The following ATG7 variants were observed in gnomAD, a reference collection of about 807,000 sequenced individuals.
The protein encoded by ATG7 is ubiquitin-like modifier-activating enzyme ATG7.
Under a neutral mutation model 82.4 loss-of-function variants are expected in ATG7, and 70 were observed. That is an observed-to-expected ratio of 0.85 (90% CI 0.70 to 1.04). The LOEUF is 1.04. Among genes scored for constraint, ATG7 ranks in the 50% least tolerant of loss-of-function variants. The pLI, the probability that ATG7 is intolerant of heterozygous loss-of-function variation, is 0.00. For synonymous variants in ATG7, 287 were observed against 313.0 expected (o/e 0.92, Z 0.88); for missense variants, 792 against 864.3 (o/e 0.92, Z 1.05).
chr3:11,542,698 C>A (rs2070932102), intron 20 of ATG7, among the ~76,000 whole-genome samples: 1 of 152,216 alleles, frequency 6.6e-6, no homozygotes, highest in Non-Finnish European at 1.5e-5. Context: ...CTTGCTCCTC[C>A]TTTAAGATGA....
At chr3:11,368,277 C>G (rs1315360492) in intron 18 of ATG7, among the ~76,000 whole-genome samples, 2 of 130,022 alleles carry the variant, frequency 1.5e-5, no homozygotes, top group Non-Finnish European at 3.3e-5. Flanking sequence ...AGGAAAGAAA[C>G]ACTGCTTTTT....
intron 20 of ATG7, among the ~76,000 whole-genome samples, chr3:11,489,299 T>G (rs970733393): frequency 2.0e-5 from 3 of 152,248 alleles, no homozygotes; most frequent in Non-Finnish European, 4.4e-5. Flanking sequence ...GATGGTATTT[T>G]GTATTTCTGT....
intron 20 of ATG7, among the ~76,000 whole-genome samples, chr3:11,436,608 G>C (rs2083392325): frequency 6.6e-6 from 1 of 152,180 alleles, no homozygotes; most frequent in African/African-American, 2.4e-5. Flanking sequence ...AATGTACACA[G>C]TGTTCCTAAC....
chr3:11,455,771 A>T (rs2085647644), intron 20 of ATG7, among the ~76,000 whole-genome samples: 1 of 152,052 alleles, frequency 6.6e-6, no homozygotes, highest in African/African-American at 2.4e-5. Flanking sequence ...AATCAAGCTG[A>T]TTTACTCACT....
At chr3:11,358,671 A>C in intron 15 of ATG7, 59 bp downstream of exon 15, 4 of 1,544,374 alleles carry the variant, frequency 2.6e-6, no homozygotes, top group Non-Finnish European at 3.5e-6. Flanking sequence ...CAGAGGGAGG[A>C]GTGTCCCTAA....
chr3:11,531,951 C>G (rs1178658631), intron 20 of ATG7, among the ~76,000 whole-genome samples: 1 of 150,700 alleles, frequency 6.6e-6, no homozygotes, highest in African/African-American at 2.4e-5. Context: ...CTGCGCTAAA[C>G]ACTTTGTTGG....
chr3:11,489,383 AG>A (rs1486511475), intron 20 of ATG7, among the ~76,000 whole-genome samples: 1 of 151,798 alleles, frequency 6.6e-6, no homozygotes, highest in Non-Finnish European at 1.5e-5. Flanking sequence ...CTTCTTTATT[AG>A]TCTTGCTAGT....
At chr3:11,524,075 C>T (rs776723317) in intron 20 of ATG7, among the ~76,000 whole-genome samples, 2 of 152,228 alleles carry the variant, frequency 1.3e-5, no homozygotes, top group Non-Finnish European at 2.9e-5. Context: ...ACAGACAAAA[C>T]AATTTTTTAA....
intron 19 of ATG7, among the ~76,000 whole-genome samples, chr3:11,403,366 G>C (rs879272610): frequency 2.6e-5 from 4 of 151,748 alleles, no homozygotes; most frequent in Non-Finnish European, 5.9e-5. Context: ...AAGGGTATTG[G>C]GGGAAGGTAG....
intron 3 of ATG7, among the ~76,000 whole-genome samples, chr3:11,287,400 CTT>C (rs1944264887): frequency 6.6e-6 from 1 of 152,138 alleles, no homozygotes; most frequent in Non-Finnish European, 1.5e-5. Flanking sequence ...ACAGGGAACA[CTT>C]TTCAGACAGA....
chr3:11,570,389 C>T, the ATG7 span, among the ~76,000 whole-genome samples: 5 of 152,166 alleles, frequency 3.3e-5, no homozygotes, highest in South Asian at 2.1e-4. Flanking sequence ...GGTCTGTCCC[C>T]GGACAGTCCT....
At chr3:11,322,928 G>C (rs562698121) in intron 9 of ATG7, among the ~76,000 whole-genome samples, 13 of 152,262 alleles carry the variant, frequency 8.5e-5, no homozygotes, top group African/African-American at 3.1e-4. Flanking sequence ...GCAGGGCTCT[G>C]TCTCTACAAA....
At chr3:11,394,116 A>G (rs1304227310) in intron 19 of ATG7, among the ~76,000 whole-genome samples, 1 of 152,236 alleles carries the variant, frequency 6.6e-6, no homozygotes, top group African/African-American at 2.4e-5. Flanking sequence ...TACAGGAACT[A>G]TAACTTGAAC....
chr3:11,326,311 G>C (rs1351422431), intron 9 of ATG7, among the ~76,000 whole-genome samples: 1 of 148,078 alleles, frequency 6.8e-6, no homozygotes, highest in Non-Finnish European at 1.5e-5. Context: ...TTGTTGTTTT[G>C]TTTTTGAGAC....
At chr3:11,568,114 G>A in the ATG7 span, among the ~76,000 whole-genome samples, 45 of 152,364 alleles carry the variant, frequency 3.0e-4, no homozygotes, top group Admixed American at 2.2e-3. The surrounding 1 kb of genome is among the most constrained non-coding windows in gnomAD (Gnocchi z 5.9). Context: ...CAGCTCCCAA[G>A]TGACAGCTCT....
intron 5 of ATG7, among the ~76,000 whole-genome samples, chr3:11,301,689 G>A (rs748714832): frequency 6.6e-6 from 1 of 152,082 alleles, no homozygotes; most frequent in Non-Finnish European, 1.5e-5. Context: ...AACTTATTTT[G>A]GAGCCAGTAA....
At position 11,525,616 on chromosome 3, in the gene ATG7, G is replaced by T. The variant is rs371573119; in HGVS notation, c.2080-29195G>T. The stretch of plus-strand genomic sequence containing the variant: ...GTCGCCCAGGCTGGAGTGCAGTGGC[G>T]TGATCTCGGCTCACTGTAAGCTCTG... On this transcript the variant is annotated intron_variant, in intron 20 of 20. Transcript: ENST00000693202. Among the ~76,000 whole-genome samples, 18 of 148,444 alleles carry T rather than the reference G, an allele frequency of 1.2e-4. No homozygotes were observed. The South Asian group carries it at 3.6e-3, about 30-fold the overall frequency.
intron 18 of ATG7, among the ~76,000 whole-genome samples, chr3:11,368,596 A>G (rs1028669185): frequency 2.0e-5 from 3 of 152,226 alleles, no homozygotes; most frequent in Middle Eastern, 3.4e-3. Context: ...GTTCAAGACC[A>G]GCCTGAGTAA....
At chr3:11,449,849 G>T (rs1231054277) in intron 20 of ATG7, among the ~76,000 whole-genome samples, 5 of 152,208 alleles carry the variant, frequency 3.3e-5, no homozygotes. Context: ...GATGGAAAAC[G>T]CATTAACTGC....
Sources: allele counts gnomAD v4.1 joint callset (sites outside exome capture counted in the v4.1 genomes callset), GRCh38; gene constraint gnomAD v4.1.1; non-coding constraint Gnocchi (gnomAD v3.1); transcripts MANE v1.5; gene names NCBI Gene and HGNC (gene_info 2026-07-23, HGNC 2026-07-21).